SMG6: variants seen among roughly 807,000 people sequenced by gnomAD.
The protein encoded by SMG6 is telomerase-binding protein EST1A.
In SMG6, 66 loss-of-function variants were observed where a neutral mutation model predicts 142.2. The observed-to-expected ratio is 0.46, with a 90% CI of 0.38 to 0.57. The LOEUF is 0.57. Ranked by LOEUF, SMG6 falls within the 20% of genes least tolerant of loss-of-function variation. SMG6 has a pLI of 0.00. For missense variants in SMG6, 1,793 were observed against 1,832.0 expected (o/e 0.98, Z 0.39); for synonymous variants, 779 against 702.4 (o/e 1.11, Z -1.72).
At chr17:2,255,236 C>G (rs1310084779) in intron 8 of SMG6, among the ~76,000 whole-genome samples, 1 of 151,016 alleles carries the variant, frequency 6.6e-6, no homozygotes, top group African/African-American at 2.4e-5. Flanking sequence ...AACCCCGTCT[C>G]TACTAAAAAT....
At chr17:2,300,750 T>A in intron 1 of SMG6, 86 bp from the exon 2 acceptor site, 1 of 1,273,196 alleles carries the variant, frequency 7.9e-7, no homozygotes, top group Non-Finnish European at 1.1e-6. Flanking sequence ...TCATTCTGGT[T>A]AAGTAACAAA....
chr17:2,157,561 A>G (rs558074198), intron 13 of SMG6, among the ~76,000 whole-genome samples: 1 of 152,344 alleles, frequency 6.6e-6, no homozygotes, highest in East Asian at 1.9e-4. Flanking sequence ...ACCACCCAAC[A>G]TGAGTATGAC....
At chr17:2,217,251 AGTATT>A (rs1268447878) in intron 10 of SMG6, among the ~76,000 whole-genome samples, 1 of 152,156 alleles carries the variant, frequency 6.6e-6, no homozygotes, top group African/African-American at 2.4e-5. Context: ...TTATTACTAA[AGTATT>A]GTGATAATTT....
intron 12 of SMG6, among the ~76,000 whole-genome samples, chr17:2,179,193 A>G (rs559330735): frequency 6.6e-6 from 1 of 152,274 alleles, no homozygotes; most frequent in Non-Finnish European, 1.5e-5. Context: ...GAGCCAGGGT[A>G]GCAAAGGGGC....
chr17:2,066,433 T>C (rs1408831631), intron 16 of SMG6, among the ~76,000 whole-genome samples: 1 of 151,678 alleles, frequency 6.6e-6, no homozygotes. Context: ...GGCTTCATTT[T>C]CTGGTGAAGA....
At chr17:2,119,723 G>A (rs957114171) in intron 13 of SMG6, among the ~76,000 whole-genome samples, 3 of 151,386 alleles carry the variant, frequency 2.0e-5, no homozygotes, top group Non-Finnish European at 3.0e-5. Flanking sequence ...GTGCAGTGGC[G>A]TGATCTCGGC....
rs546164635 is a variant in SMG6, at chr17:2,288,525, G to A, written c.2337+4027C>T. ...TGGTCCCAGCTACTTGGGAGGCTGG[G>A]GTAGGAGGATCACTTGAGCCTGGGA... is the stretch of plus-strand genomic sequence containing the variant. On this transcript the variant is annotated intron_variant, in intron 6 of 18. Coordinates refer to ENST00000263073, the MANE Select transcript of SMG6 (RefSeq NM_017575.5). 2.0e-5 allele frequency among the ~76,000 whole-genome samples: 3 copies of A among 151,568 alleles called. No homozygotes were observed. In the South Asian group the frequency reaches 6.3e-4, roughly 32 times the overall value.
At chr17:2,266,320 G>T in intron 8 of SMG6, 1 of 287,126 alleles carries the variant, frequency 3.5e-6, no homozygotes, top group Non-Finnish European at 5.2e-6. Context: ...GACCTGGTGA[G>T]TTTTGAGAGT....
At chr17:2,273,953 G>A (rs1179685612) in intron 8 of SMG6, among the ~76,000 whole-genome samples, 1 of 152,190 alleles carries the variant, frequency 6.6e-6, no homozygotes, top group East Asian at 1.9e-4. Flanking sequence ...TGAATGTATA[G>A]AACATAACCA....
intron 13 of SMG6, among the ~76,000 whole-genome samples, chr17:2,153,713 G>C (rs1161474324): frequency 2.8e-5 from 4 of 143,584 alleles, no homozygotes; most frequent in Admixed American, 6.9e-5. Flanking sequence ...GGGGATGCAT[G>C]TAGAGTGTGA....
chr17:2,269,458 TA>T (rs10706406), intron 8 of SMG6, among the ~76,000 whole-genome samples: 84,197 of 145,990 alleles, frequency 0.58, 25,045 homozygotes, highest in East Asian at 0.75. Context: ...AACTATACAT[TA>T]AAAAAAAAAA....
chr17:2,125,553 T>C (rs2069845565), intron 13 of SMG6, among the ~76,000 whole-genome samples: 1 of 152,244 alleles, frequency 6.6e-6, no homozygotes. Context: ...GAAGACTTAA[T>C]ATTGTTAAGC....
At chr17:2,176,132 T>C (rs2071647029) in intron 12 of SMG6, among the ~76,000 whole-genome samples, 1 of 152,208 alleles carries the variant, frequency 6.6e-6, no homozygotes, top group South Asian at 2.1e-4. Flanking sequence ...CTGGGCAACA[T>C]CACCTCAGCT....
At chr17:2,133,848 T>C (rs1252080738) in intron 13 of SMG6, among the ~76,000 whole-genome samples, 1 of 152,214 alleles carries the variant, frequency 6.6e-6, no homozygotes, top group African/African-American at 2.4e-5. Flanking sequence ...GCATACCCTT[T>C]CTGTTTTCTT....
At chr17:2,226,501 C>T (rs919224962) in intron 10 of SMG6, among the ~76,000 whole-genome samples, 2 of 151,490 alleles carry the variant, frequency 1.3e-5, no homozygotes, top group African/African-American at 4.9e-5. Flanking sequence ...ATTGCATGAA[C>T]CCGGGAGGTG....
intron 10 of SMG6, among the ~76,000 whole-genome samples, chr17:2,190,500 T>C (rs374545107): frequency 6.6e-6 from 1 of 152,230 alleles, no homozygotes; most frequent in Non-Finnish European, 1.5e-5. Context: ...GTTCTGTATT[T>C]ATGACAAATG....
chr17:2,123,712 T>C (rs1236257198), intron 13 of SMG6, among the ~76,000 whole-genome samples: 2 of 152,172 alleles, frequency 1.3e-5, no homozygotes, highest in African/African-American at 2.4e-5. Flanking sequence ...TGCTCTGAAA[T>C]AGCACCGAAG....
At position 2,138,039 on chromosome 17, in the gene SMG6, C is replaced by T. The variant is rs538984707; in HGVS notation, c.3357+34619G>A. On this transcript the variant is annotated intron_variant, in intron 13 of 18. Coordinates refer to ENST00000263073, the MANE Select transcript of SMG6 (RefSeq NM_017575.5). ...ATTGTCCAGTGTGTAGTCTTAAAGG[C>T]AGATGCAGACAGAAAGAGCTGAGCG... Among the ~76,000 whole-genome samples, 13 of 152,148 alleles carry T rather than the reference C, an allele frequency of 8.5e-5. No homozygotes were observed. The South Asian group carries it at 2.5e-3, about 29-fold the overall frequency.
At chr17:2,292,441 T>G (rs1034560047) in intron 6 of SMG6, 111 bp downstream of exon 6, 1 of 1,053,422 alleles carries the variant, frequency 9.5e-7, no homozygotes, top group Admixed American at 2.2e-5. Context: ...GGGATATTCT[T>G]TGGGCTACAG....
Sources: allele counts gnomAD v4.1 joint callset (sites outside exome capture counted in the v4.1 genomes callset), GRCh38; gene constraint gnomAD v4.1.1; transcripts MANE v1.5; gene names NCBI Gene and HGNC (gene_info 2026-07-23, HGNC 2026-07-21).